Variants in HOXC11 observed in about 807,000 individuals in gnomAD.
HOXC11 encodes homeobox C11, also known as homeobox protein Hox-C11.
HOXC11 carries 17 observed loss-of-function variants against 23.6 expected under a neutral mutation model. The observed-to-expected ratio is 0.72, with a 90% CI of 0.49 to 1.08. The LOEUF is 1.08. Among genes scored for constraint, HOXC11 ranks in the 50% least tolerant of loss-of-function variants. The pLI is 0.00. For missense variants in HOXC11, 413 were observed against 412.1 expected (o/e 1.00, Z -0.02); for synonymous variants, 196 against 183.8 (o/e 1.07, Z -0.54).
Position 53,973,645 on chromosome 12 carries a change from C to T in HOXC11, c.404C>T (p.Ala135Val). The change falls in exon 1 of 2, where the codon GCC becomes GTC. Residue 135 changes from alanine (A) to valine (V), a missense_variant. Coordinates refer to ENST00000546378, the MANE Select transcript of HOXC11 (RefSeq NM_014212.4). This position sits in a 1 kb window ranked among gnomAD's most constrained non-coding sequence, Gnocchi z 4.3. ...HHPSAPHATP[A>V]GFYSSVNKNS... ...CCCAGCGCCCCGCACGCAACCCCCGCCGGCTTCTACTCCTCAGTCAACAAG... is the reference window on the plus strand; with the variant it reads ...CCCAGCGCCCCGCACGCAACCCCCGTCGGCTTCTACTCCTCAGTCAACAAG... The T allele has an allele frequency of 6.2e-7, 1 of 1,613,790 alleles. No individual in the cohort carries two copies.
chr12:53,974,938 G>T, intron 1 of HOXC11: 2 of 521,658 alleles, frequency 3.8e-6, no homozygotes, highest in Non-Finnish European at 6.7e-6. Context: ...GTCAGCCGCG[G>T]CTCTCGCCTG....
intron 1 of HOXC11, among the ~76,000 whole-genome samples, chr12:53,974,336 A>G (rs1199993346): frequency 6.8e-6 from 1 of 147,184 alleles, no homozygotes; most frequent in East Asian, 2.1e-4. Context: ...GAGGGGGAGA[A>G]AGGGGAGGGC....
chr12:53,973,364 G>T lies in HOXC11; in HGVS notation c.123G>T (p.Met41Ile), dbSNP rs1472293138. The T allele has an allele frequency of 9.9e-6, 16 of 1,611,894 alleles. No homozygotes were observed. Among genetic ancestry groups the T allele is most frequent in the Non-Finnish European group, 1.4e-5 (16 of 1,179,216 alleles). The change falls in exon 1 of 2, where the codon ATG (methionine) becomes ATT (isoleucine). Residue 41 changes from methionine (M) to isoleucine (I), a missense_variant. Transcript: ENST00000546378. This position sits in a 1 kb window ranked among gnomAD's most constrained non-coding sequence, Gnocchi z 4.3. The part of the protein sequence containing the change: ...NLYLPSCTYY[M>I]PEFSTVSSFL... ...ATCTGCCCAGTTGCACTTACTACATGCCCGAGTTCTCCACGGTCTCCTCCT... is the reference window on the plus strand; with the variant it reads ...ATCTGCCCAGTTGCACTTACTACATTCCCGAGTTCTCCACGGTCTCCTCCT...
At chr12:53,974,627 A>G (rs1308016838) in intron 1 of HOXC11, among the ~76,000 whole-genome samples, 1 of 151,412 alleles carries the variant, frequency 6.6e-6, no homozygotes, top group African/African-American at 2.4e-5. Context: ...GTGCTTGCCT[A>G]GAACTGCGGT....
intron 1 of HOXC11, 47 bp from the exon 2 acceptor site, chr12:53,975,134 G>T: frequency 1.1e-6 from 1 of 870,984 alleles, no homozygotes; most frequent in South Asian, 1.6e-5. Context: ...GGTCTCACGT[G>T]TCTCTCTCCC....
Position 53,973,393 on chromosome 12 carries a change from T to G in HOXC11, c.152T>G (p.Leu51Arg). The G allele has an allele frequency of 6.2e-7, 1 of 1,614,222 alleles. No individual in the cohort carries two copies. Among genetic ancestry groups the G allele is most frequent in the Non-Finnish European group, 8.5e-7 (1 of 1,180,046 alleles). ...GAGTTCTCCACGGTCTCCTCCTTCC[T>G]GCCCCAGGCCCCCTCTCGTCAGATC... ...MPEFSTVSSF[L>R]PQAPSRQISY... Residue 51 changes from leucine to arginine, a missense_variant, in exon 1 of 2, where the codon CTG becomes CGG. Coordinates refer to ENST00000546378, the MANE Select transcript of HOXC11 (RefSeq NM_014212.4). The surrounding 1 kb of genome is among the most constrained non-coding windows in gnomAD (Gnocchi z 4.3).
rs753129887 is a variant in HOXC11 at position 53,975,146 on chromosome 12, C to G, written c.683-35C>G. ...CCGGGTCTCACGTGTCTCTCTCCCC[C>G]CTCTCCTCGCACTTGCCCCCTCCCC... On this transcript the variant is annotated intron_variant, in intron 1 of 1. Transcript: ENST00000546378. The G allele has an allele frequency of 3.8e-5, 34 of 893,520 alleles. No individual in the cohort carries two copies. In the Admixed American group the frequency reaches 4.7e-4, roughly 12 times the overall value. 55.3% of individuals were successfully genotyped at this position (893,520 alleles called of 1,614,324 possible).
At position 53,977,629 on chromosome 12, in the gene HOXC11, C is replaced by T. The variant is rs1054873783; in HGVS notation, c.*2216C>T. 2.6e-5 allele frequency: 4 copies of T among 152,060 alleles called. No individual in the cohort carries two copies. In the South Asian group the frequency reaches 8.3e-4, roughly 32 times the overall value. The allele number at this position is 152,060 out of a possible 1,614,324, so 9.4% of individuals were successfully genotyped here. A position where few individuals can be genotyped will look rare whatever the true frequency, so the allele number is the denominator to read the frequency against. ...TGTCTGTTGCATGGAGTAAACCTGACCACATACACATCTAGAGCTTGTGTC... is the reference window on the plus strand; with the variant it reads ...TGTCTGTTGCATGGAGTAAACCTGATCACATACACATCTAGAGCTTGTGTC... On this transcript the variant is annotated 3_prime_UTR_variant, in exon 2 of 2. Transcript: ENST00000546378.
chr12:53,974,411 C>G (rs1364463681), intron 1 of HOXC11, among the ~76,000 whole-genome samples: 1 of 151,984 alleles, frequency 6.6e-6, no homozygotes, highest in Non-Finnish European at 1.5e-5. Flanking sequence ...TGGAGCAGAA[C>G]CTGAGACCGG....
rs1039796611 is a variant in HOXC11, at chr12:53,975,454, ATTATT to A, written c.*54_*58del. On this transcript the variant is annotated 3_prime_UTR_variant, in exon 2 of 2. Transcript: ENST00000546378. The stretch of plus-strand genomic sequence containing the variant: ...CTTTTGGGGGCGGGGGGAGGGGAAA[ATTATT>A]TTATTTTATTTTTATTTTTTATTTT... 1 of 1,141,296 alleles carries A rather than the reference ATTATT, an allele frequency of 8.8e-7. No individual in the cohort carries two copies. Among genetic ancestry groups the A allele is most frequent in the Middle Eastern group, 2.6e-4 (1 of 3,798 alleles). The allele number at this position is 1,141,296 out of a possible 1,614,324, so 70.7% of individuals were successfully genotyped here.
In HOXC11 at chr12:53,973,791, C is replaced by A; in HGVS notation, c.550C>A (p.Pro184Thr). The A allele has an allele frequency of 2.5e-6, 4 of 1,595,404 alleles. No homozygotes were observed. The highest frequency in any genetic ancestry group is 4.5e-5 in the East Asian group (2 of 44,480). ...CGAGGCCAAGGGGGAGCCCGAGGCA[C>A]CCCCGGCCTCGGGACTGGCGTCCCG... ...KGEAKGEPEA[P>T]PASGLASRAE... The change falls in exon 1 of 2, where the codon CCC (proline) becomes ACC (threonine). Residue 184 changes from proline to threonine, a missense_variant. Transcript: ENST00000546378. This position sits in a 1 kb window ranked among gnomAD's most constrained non-coding sequence, Gnocchi z 4.3.
chr12:53,973,553 C>G lies in HOXC11; in HGVS notation c.312C>G (p.Cys104Trp), dbSNP rs1222020729. The G allele has an allele frequency of 1.9e-6, 3 of 1,612,978 alleles. No individual in the cohort carries two copies. The highest frequency in any genetic ancestry group is 2.5e-6 in the Non-Finnish European group (3 of 1,179,958). Residue 104 changes from cysteine (C) to tryptophan (W), a missense_variant, in exon 1 of 2, where the codon TGC becomes TGG. By Grantham distance (215) the Cys-to-Trp change is radical. Coordinates refer to ENST00000546378, the MANE Select transcript of HOXC11 (RefSeq NM_014212.4). The surrounding 1 kb of genome is among the most constrained non-coding windows in gnomAD (Gnocchi z 4.3). ...CCGACGAGCTTATGCACCGGGAGTG[C>G]CTGCCTCCTTCCACCGTCACCGAGA... is the stretch of plus-strand genomic sequence containing the variant. ...AAADELMHRECLPPSTVTEIL... is the reference protein window; with the variant it reads ...AAADELMHREWLPPSTVTEIL...
In HOXC11 at chr12:53,976,121, T is replaced by C. The variant is rs1939253771; in HGVS notation, c.*708T>C. On this transcript the variant is annotated 3_prime_UTR_variant, in exon 2 of 2. Transcript: ENST00000546378. The stretch of plus-strand genomic sequence containing the variant: ...TTTATAGCTATAGTCTATGCAGTCG[T>C]TACCTCTTTTTTTTTTTTTTTTAAG... 1 of 212,244 alleles carries C rather than the reference T, an allele frequency of 4.7e-6. No individual in the cohort carries two copies. Among genetic ancestry groups the C allele is most frequent in the Non-Finnish European group, 9.2e-6 (1 of 109,220 alleles). 13.1% of individuals were successfully genotyped at this position (212,244 alleles called of 1,614,324 possible). A position where few individuals can be genotyped will look rare whatever the true frequency, so the allele number is the denominator to read the frequency against.
chr12:53,974,646 C>A (rs1939219810), intron 1 of HOXC11, among the ~76,000 whole-genome samples: 2 of 151,562 alleles, frequency 1.3e-5, no homozygotes, highest in South Asian at 4.2e-4. Context: ...GTGTGGAAGG[C>A]GCTGCCCCGC....
rs1333611830 is a variant in HOXC11, at chr12:53,973,831, C to T, written c.590C>T (p.Ala197Val). Residue 197 changes from alanine (A) to valine (V), a missense_variant, in exon 1 of 2, where the codon GCC becomes GTC. By Grantham distance (64) the Ala-to-Val change is moderately conservative. Transcript: ENST00000546378. This position sits in a 1 kb window ranked among gnomAD's most constrained non-coding sequence, Gnocchi z 4.3. The part of the protein sequence containing the change: ...SGLASRAEAG[A>V]EAEAEEENTN... The stretch of plus-strand genomic sequence containing the variant: ...CTGGCGTCCCGGGCTGAGGCGGGTG[C>T]CGAGGCGGAGGCTGAGGAGGAGAAC... 2 of 1,451,310 alleles carry T rather than the reference C, an allele frequency of 1.4e-6. No individual in the cohort carries two copies. Among genetic ancestry groups the T allele is most frequent in the Admixed American group, 2.6e-5 (1 of 38,760 alleles). The allele number at this position is 1,451,310 out of a possible 1,614,324, so 89.9% of individuals were successfully genotyped here. A position where few individuals can be genotyped will look rare whatever the true frequency, so the allele number is the denominator to read the frequency against.
chr12:53,974,705 G>A (rs985704991), intron 1 of HOXC11, among the ~76,000 whole-genome samples: 1 of 151,858 alleles, frequency 6.6e-6, no homozygotes, highest in Non-Finnish European at 1.5e-5. Flanking sequence ...TGGTGTCTCG[G>A]TGCCTGCTGG....
rs1939279879 is a variant in HOXC11, at chr12:53,977,274, G to C, written c.*1861G>C. ...GTTTCAAATTCGTTATTTGGGGGCA[G>C]AGGTTCAGGACAACTCATCTCATCT... On this transcript the variant is annotated 3_prime_UTR_variant, in exon 2 of 2. Coordinates refer to ENST00000546378, the MANE Select transcript of HOXC11 (RefSeq NM_014212.4). The C allele has an allele frequency of 6.6e-6, 1 of 152,232 alleles. No homozygotes were observed. Among genetic ancestry groups the C allele is most frequent in the Admixed American group, 6.5e-5 (1 of 15,288 alleles). The allele number at this position is 152,232 out of a possible 1,614,324, so 9.4% of individuals were successfully genotyped here. A position where few individuals can be genotyped will look rare whatever the true frequency, so the allele number is the denominator to read the frequency against.
At position 53,973,745 on chromosome 12, in the gene HOXC11, G is replaced by GC. The variant is rs1445303827; in HGVS notation, c.510dup (p.Cys171LeufsTer24). 10 of 1,612,648 alleles carry GC rather than the reference G, an allele frequency of 6.2e-6. No individual in the cohort carries two copies. Among genetic ancestry groups the GC allele is most frequent in the African/African-American group, 1.3e-5 (1 of 74,934 alleles). On this transcript the variant is annotated frameshift_variant, in exon 1 of 2. Transcript: ENST00000546378. LOFTEE classifies it high-confidence loss of function. This position sits in a 1 kb window ranked among gnomAD's most constrained non-coding sequence, Gnocchi z 4.3. ...GCGGTGGCGGCGACCCGCCCGCCGA[G>GC]CCCCCCTGCTCCGGCAAGGGCGAGG...
intron 1 of HOXC11, chr12:53,974,892 G>C (rs1169974656): frequency 5.6e-6 from 2 of 357,988 alleles, no homozygotes; most frequent in African/African-American, 2.2e-5. Context: ...GGGGACGCAC[G>C]TGTACCTGGA....
Sources: allele counts gnomAD v4.1 joint callset (sites outside exome capture counted in the v4.1 genomes callset), GRCh38; gene constraint gnomAD v4.1.1; non-coding constraint Gnocchi (gnomAD v3.1); transcripts MANE v1.5; gene names NCBI Gene and HGNC (gene_info 2026-07-23, HGNC 2026-07-21).